The following SRFBP1 variants were observed in gnomAD, a reference collection of about 807,000 sequenced individuals.
The protein encoded by SRFBP1 is serum response factor binding protein 1, also known as serum response factor-binding protein 1.
SRFBP1 carries 47 observed loss-of-function variants against 45.5 expected under a neutral mutation model. The ratio of observed to expected loss-of-function variants is 1.03; its 90% CI spans 0.82 to 1.32. The LOEUF (loss-of-function observed/expected upper bound fraction) is 1.32, where lower values mean the gene tolerates loss of function less well. Ranked by LOEUF, SRFBP1 falls within the 40% of genes most tolerant of loss-of-function variation. SRFBP1 has a pLI of 0.00. For missense variants in SRFBP1, 621 were observed against 484.6 expected, an observed-to-expected ratio of 1.28 and a Z score of -2.64; for synonymous variants, 203 against 166.3, an observed-to-expected ratio of 1.22 and a Z score of -1.70.
At chr5:122,056,572 G>A (rs1200602428) in intron 2 of SRFBP1, among the ~76,000 whole-genome samples, 2 of 152,102 alleles carry the variant, frequency 1.3e-5, no homozygotes, top group East Asian at 3.9e-4. Flanking sequence ...TTTGAACCTG[G>A]AGCTATTTAT....
At chr5:121,984,370 A>T (rs1408565227) in intron 3 of SRFBP1, among the ~76,000 whole-genome samples, 3 of 151,758 alleles carry the variant, frequency 2.0e-5, no homozygotes, top group African/African-American at 7.2e-5. Flanking sequence ...TTAGGTAATC[A>T]GTTTTTAGAA....
chr5:122,032,222 C>A (rs990951990), downstream of SRFBP1, among the ~76,000 whole-genome samples: 1 of 151,334 alleles, frequency 6.6e-6, no homozygotes, highest in African/African-American at 2.4e-5. Context: ...TTATATGGTT[C>A]TGACAGTATT....
intron 2 of SRFBP1, among the ~76,000 whole-genome samples, chr5:122,061,579 T>C (rs1479050248): frequency 6.6e-6 from 1 of 151,958 alleles, no homozygotes; most frequent in Non-Finnish European, 1.5e-5. Flanking sequence ...ACTTAAGTTA[T>C]GCAATTATGC....
chr5:122,001,948 A>T (rs1157657155), intron 4 of SRFBP1, among the ~76,000 whole-genome samples: 1 of 152,182 alleles, frequency 6.6e-6, no homozygotes, highest in Non-Finnish European at 1.5e-5. Context: ...TCTAAAAGAG[A>T]ATTTATACTT....
intron 1 of SRFBP1, among the ~76,000 whole-genome samples, chr5:121,970,477 ATAACT>A (rs1165331172): frequency 2.0e-5 from 3 of 151,824 alleles, no homozygotes. Flanking sequence ...TATTTTATGA[ATAACT>A]TAACTTTAAA....
At chr5:122,057,761 T>C (rs1262501621) in intron 2 of SRFBP1, among the ~76,000 whole-genome samples, 6 of 152,080 alleles carry the variant, frequency 3.9e-5, no homozygotes, top group African/African-American at 7.2e-5. Context: ...ACAGACAACA[T>C]TGACATCAGA....
chr5:122,036,147 C>T (rs1236854912), intron 2 of SRFBP1, among the ~76,000 whole-genome samples: 1 of 152,156 alleles, frequency 6.6e-6, no homozygotes, highest in East Asian at 1.9e-4. Flanking sequence ...GGGAGATGAG[C>T]TCTGAACTAA....
intron 4 of SRFBP1, among the ~76,000 whole-genome samples, chr5:121,999,082 G>T (rs1752799270): frequency 6.6e-6 from 1 of 151,836 alleles, no homozygotes; most frequent in African/African-American, 2.4e-5. Flanking sequence ...TTAAATTACT[G>T]GTTTTAGACC....
At chr5:121,997,172 T>A (rs2112678660) in intron 4 of SRFBP1, among the ~76,000 whole-genome samples, 1 of 147,146 alleles carries the variant, frequency 6.8e-6, no homozygotes, top group Admixed American at 6.8e-5. Context: ...TACTTTAAAG[T>A]TCATATGGAA....
intron 2 of SRFBP1, among the ~76,000 whole-genome samples, chr5:122,055,047 G>T (rs1754056433): frequency 6.6e-6 from 1 of 152,200 alleles, no homozygotes; most frequent in Admixed American, 6.5e-5. Context: ...GTCTTAGCCT[G>T]TTCAGGCTGC....
At position 122,035,192 on chromosome 5, in the gene SRFBP1, G is replaced by T. The variant is rs181613157; in HGVS notation, n.311+12785G>T. 4.6e-3 allele frequency among the ~76,000 whole-genome samples: 694 copies of T among 152,198 alleles called. 5 individuals are homozygous for T. Among genetic ancestry groups the T allele is most frequent in the African/African-American group, 0.016 (656 of 41,532 alleles). ...GTTTGTTTTTTCCAGTAGGGAAAAA[G>T]GGTCCTAGTGGAGATTTGTATCTTT... On this transcript the variant is annotated intron_variant and non_coding_transcript_variant, in intron 2 of 2. Coordinates refer to the SRFBP1 transcript ENST00000504881.
downstream of SRFBP1, among the ~76,000 whole-genome samples, chr5:122,031,751 G>C (rs1345499275): frequency 6.6e-6 from 1 of 152,214 alleles, no homozygotes; most frequent in African/African-American, 2.4e-5. Context: ...TCCATCATCT[G>C]ATGATGAGTG....
intron 3 of SRFBP1, among the ~76,000 whole-genome samples, chr5:121,992,363 A>G (rs1259066263): frequency 1.3e-5 from 2 of 150,144 alleles, no homozygotes; most frequent in Non-Finnish European, 3.0e-5. Flanking sequence ...CACCTCCACC[A>G]TTTCCCACAC....
chr5:121,999,738 A>C (rs568489396), intron 4 of SRFBP1, among the ~76,000 whole-genome samples: 1 of 152,220 alleles, frequency 6.6e-6, no homozygotes, highest in African/African-American at 2.4e-5. Context: ...ATCTTGTCTG[A>C]AATTTATATC....
At chr5:122,024,980 C>CT (rs1170193945) in intron 7 of SRFBP1, among the ~76,000 whole-genome samples, 1 of 151,916 alleles carries the variant, frequency 6.6e-6, no homozygotes, top group South Asian at 2.1e-4. Flanking sequence ...TATTATTACA[C>CT]TTTAAGTTTT....
At chr5:121,987,999 A>T (rs1438075279) in intron 3 of SRFBP1, among the ~76,000 whole-genome samples, 1 of 152,206 alleles carries the variant, frequency 6.6e-6, no homozygotes, top group African/African-American at 2.4e-5. Flanking sequence ...CAAAATTGGG[A>T]TTACCTAATT....
downstream of SRFBP1, chr5:122,076,750 C>T (rs888712397): frequency 3.1e-6 from 2 of 653,620 alleles, no homozygotes; most frequent in Non-Finnish European, 5.4e-6. Context: ...GGTCAGCATG[C>T]CCAGGAGGTC....
At chr5:122,078,208 C>G, downstream of SRFBP1, 1 of 429,976 alleles carries the variant, frequency 2.3e-6, no homozygotes, top group Non-Finnish European at 4.0e-6. Flanking sequence ...CTTTCTCAGT[C>G]CTGGAAGGCA....
chr5:121,963,321 G>A (rs940512831), intron 1 of SRFBP1, among the ~76,000 whole-genome samples: 4 of 152,184 alleles, frequency 2.6e-5, no homozygotes, highest in African/African-American at 4.8e-5. Flanking sequence ...GAAGCTGAAA[G>A]TAGTTACTAT....
Sources: allele counts gnomAD v4.1 joint callset (sites outside exome capture counted in the v4.1 genomes callset), GRCh38; gene constraint gnomAD v4.1.1; transcripts MANE v1.5; gene names NCBI Gene and HGNC (gene_info 2026-07-23, HGNC 2026-07-21).